PSD3: variants seen among roughly 807,000 people sequenced by gnomAD.
The protein encoded by PSD3 is PH and SEC7 domain-containing protein 3.
Under a neutral mutation model 105.5 loss-of-function variants are expected in PSD3, and 49 were observed. The ratio of observed to expected loss-of-function variants is 0.46; its 90% CI spans 0.37 to 0.59. The LOEUF (loss-of-function observed/expected upper bound fraction) is 0.59. Ranked by LOEUF, PSD3 falls within the 20% of genes least tolerant of loss-of-function variation. PSD3 has a pLI of 0.00. For missense variants in PSD3, 1,561 were observed against 1,263.8 expected (o/e 1.24, Z -3.57); for synonymous variants, 557 against 457.8 (o/e 1.22, Z -2.77).
chr8:18,908,915 C>A (rs543911115), intron 2 of PSD3, among the ~76,000 whole-genome samples: 309 of 152,292 alleles, frequency 2.0e-3, no homozygotes, highest in Non-Finnish European at 3.5e-3. Flanking sequence ...CAGTTCCCGA[C>A]AAATTCTAGG....
At chr8:18,982,249 T>A (rs1186166467) in intron 1 of PSD3, among the ~76,000 whole-genome samples, 1 of 152,220 alleles carries the variant, frequency 6.6e-6, no homozygotes, top group Non-Finnish European at 1.5e-5. Context: ...TTCAGTCATA[T>A]CATCAGGCTC....
chr8:18,541,926 A>AT (rs1473163815), intron 15 of PSD3, among the ~76,000 whole-genome samples: 1 of 151,446 alleles, frequency 6.6e-6, no homozygotes, highest in Non-Finnish European at 1.5e-5. Context: ...CTGATTTTGT[A>AT]TTTTTACTGG....
intron 9 of PSD3, among the ~76,000 whole-genome samples, chr8:18,688,393 G>A (rs758978845): frequency 6.6e-6 from 1 of 152,148 alleles, no homozygotes; most frequent in Non-Finnish European, 1.5e-5. Context: ...CACTGTGCCT[G>A]GCCTTCTTAA....
intron 9 of PSD3, among the ~76,000 whole-genome samples, chr8:18,688,807 G>A (rs888366183): frequency 1.3e-5 from 2 of 152,186 alleles, no homozygotes; most frequent in African/African-American, 4.8e-5. Flanking sequence ...ACCATTTATA[G>A]ACATGAGCCA....
chr8:18,898,920 A>C (rs191512751), intron 2 of PSD3, among the ~76,000 whole-genome samples: 1 of 152,176 alleles, frequency 6.6e-6, no homozygotes, highest in Non-Finnish European at 1.5e-5. Context: ...AAATGTACAG[A>C]CATAATCATA....
rs192311128 is a variant in PSD3 at position 18,534,389 on chromosome 8, T to G, written c.*1354A>C. ...CTTTCTCTTCCTCTACAGAAGAATATTCTGTTTATCACCCTGAACTTCAAA... is the reference window on the plus strand; with the variant it reads ...CTTTCTCTTCCTCTACAGAAGAATAGTCTGTTTATCACCCTGAACTTCAAA... On this transcript the variant is annotated 3_prime_UTR_variant, in exon 16 of 16. Transcript: ENST00000327040. 3 of 152,728 alleles carry G rather than the reference T, an allele frequency of 2.0e-5. No homozygotes were observed. Among genetic ancestry groups the G allele is most frequent in the Admixed American group, 2.0e-4 (3 of 15,308 alleles). The allele number at this position is 152,728 out of a possible 1,614,324, so 9.5% of individuals were successfully genotyped here.
chr8:18,822,063 TTTTC>T (rs1168062577), intron 4 of PSD3, among the ~76,000 whole-genome samples: 1 of 152,062 alleles, frequency 6.6e-6, no homozygotes, highest in Non-Finnish European at 1.5e-5. Flanking sequence ...AGAAAAAAAA[TTTTC>T]TTTGTTTCAC....
intron 9 of PSD3, among the ~76,000 whole-genome samples, chr8:18,720,294 A>T (rs1802878418): frequency 6.6e-6 from 1 of 152,194 alleles, no homozygotes; most frequent in African/African-American, 2.4e-5. Flanking sequence ...TGGCAACATG[A>T]ACCACCAGAT....
At chr8:18,937,477 T>C (rs1043238226) in intron 1 of PSD3, among the ~76,000 whole-genome samples, 10 of 152,188 alleles carry the variant, frequency 6.6e-5, no homozygotes, top group African/African-American at 1.9e-4. Flanking sequence ...TGACTGACAA[T>C]ACTAGGAAGA....
chr8:18,710,982 C>T (rs1485355382), intron 9 of PSD3, among the ~76,000 whole-genome samples: 1 of 150,392 alleles, frequency 6.6e-6, no homozygotes, highest in East Asian at 2.0e-4. Flanking sequence ...TGCGCCTGGT[C>T]TCAACATTCT....
At chr8:18,608,524 A>T (rs993614390) in intron 11 of PSD3, among the ~76,000 whole-genome samples, 4 of 152,210 alleles carry the variant, frequency 2.6e-5, no homozygotes, top group African/African-American at 9.6e-5. Context: ...CCATCACTGA[A>T]TCTTAAATAT....
intron 4 of PSD3, among the ~76,000 whole-genome samples, chr8:18,808,411 G>A (rs999881177): frequency 1.3e-5 from 2 of 152,124 alleles, no homozygotes; most frequent in African/African-American, 4.8e-5. Context: ...TTATTCTAAT[G>A]AGAACACATT....
chr8:18,946,266 G>C (rs909317910), intron 1 of PSD3, among the ~76,000 whole-genome samples: 5 of 152,108 alleles, frequency 3.3e-5, no homozygotes, highest in Admixed American at 6.6e-5. Context: ...AGCATGTGTA[G>C]CATTTTTTTC....
intron 6 of PSD3, chr8:18,802,413 G>A: frequency 2.5e-6 from 1 of 401,860 alleles, no homozygotes; most frequent in Non-Finnish European, 5.0e-6. Context: ...ATCTTACTAT[G>A]GTAAAAAACA....
At chr8:19,015,255 T>TG (rs1827142005), upstream of PSD3, among the ~76,000 whole-genome samples, 1 of 152,180 alleles carries the variant, frequency 6.6e-6, no homozygotes, top group African/African-American at 2.4e-5. Flanking sequence ...GCTTAAGATG[T>TG]GACATGCTCC....
chr8:18,993,606 A>G (rs1825918424), intron 1 of PSD3, among the ~76,000 whole-genome samples: 1 of 152,028 alleles, frequency 6.6e-6, no homozygotes, highest in African/African-American at 2.4e-5. Flanking sequence ...TTTCATGAGT[A>G]TTAGAGCTTA....
chr8:18,970,981 G>GAA (rs1007826299), intron 1 of PSD3, among the ~76,000 whole-genome samples: 2 of 137,226 alleles, frequency 1.5e-5, no homozygotes, highest in Non-Finnish European at 3.2e-5. Flanking sequence ...TCTGTCTCAA[G>GAA]AAAAAAAAAA....
intron 4 of PSD3, among the ~76,000 whole-genome samples, chr8:18,819,195 G>C (rs1812481263): frequency 6.6e-6 from 1 of 152,162 alleles, no homozygotes; most frequent in Non-Finnish European, 1.5e-5. Context: ...AAGGTAAACA[G>C]CTGTTGACAA....
At chr8:18,662,534 G>A (rs1483050183) in intron 9 of PSD3, among the ~76,000 whole-genome samples, 6 of 152,222 alleles carry the variant, frequency 3.9e-5, no homozygotes, top group African/African-American at 7.2e-5. Context: ...CCAATCTTAT[G>A]AGCAAAGAAT....
Sources: gnomAD v4.1 joint callset for allele counts (sites outside exome capture counted in the v4.1 genomes callset) on GRCh38, gnomAD v4.1.1 for gene constraint, MANE v1.5 for transcripts, NCBI Gene and HGNC (gene_info 2026-07-23, HGNC 2026-07-21) for gene names.